COL6A3: variants seen among roughly 807,000 people sequenced by gnomAD.
COL6A3 encodes collagen type VI alpha 3 chain.
COL6A3 carries 137 observed loss-of-function variants against 274.1 expected under a neutral mutation model. The ratio of observed to expected loss-of-function variants is 0.50; its 90% confidence interval spans 0.44 to 0.58. The LOEUF is 0.58. Ranked by LOEUF, COL6A3 falls within the 20% of genes least tolerant of loss-of-function variation. The probability of loss-of-function intolerance (pLI) is 0.00; values close to 1 mark genes in which losing one functional copy is unlikely to be tolerated. For missense variants in COL6A3, 3,950 were observed against 4,124.9 expected, an observed-to-expected ratio of 0.96 and a Z score of 1.16; for synonymous variants, 1,650 against 1,650.6, an observed-to-expected ratio of 1.00 and a Z score of 0.01.
Position 237,370,381 on chromosome 2 carries a change from GGT to G in COL6A3, c.4286-1206_4286-1205del, listed in dbSNP as rs537402602. On this transcript the variant is annotated intron_variant, in intron 9 of 43. Transcript: ENST00000295550. ...AGCCTCCCGAGTAGCTGGGACTACA[GGT>G]GTGTGCCACCACACCCAGCTAATTT... is the stretch of plus-strand genomic sequence containing the variant. 1.9e-3 allele frequency among the ~76,000 whole-genome samples: 284 copies of G among 151,950 alleles called. 1 individual carries two copies. Among genetic ancestry groups the G allele is most frequent in the South Asian group, 5.0e-3 (24 of 4,802 alleles).
Position 237,361,722 on chromosome 2 carries a change from G to C in COL6A3, c.6156+17C>G, listed in dbSNP as rs1332836576. On this transcript the variant is annotated intron_variant, in intron 15 of 43. Transcript: ENST00000295550. The surrounding 1 kb of genome is among the most constrained non-coding windows in gnomAD (Gnocchi z 5.1). ...GACACCTCATCTCAGGCGTGGGCAAGGGTAAAGCCACCGTACCTTTGGCCC... is the reference window on the plus strand; with the variant it reads ...GACACCTCATCTCAGGCGTGGGCAACGGTAAAGCCACCGTACCTTTGGCCC... 2 of 1,612,244 alleles carry C rather than the reference G, an allele frequency of 1.2e-6. No homozygotes were observed. The highest frequency in any genetic ancestry group is 2.7e-5 in the African/African-American group (2 of 75,030).
Position 237,367,097 on chromosome 2 carries a change from G to C in COL6A3, c.5090C>G (p.Ser1697Cys). 2 of 1,614,216 alleles carry C rather than the reference G, an allele frequency of 1.2e-6. No individual in the cohort carries two copies. Among genetic ancestry groups the C allele is most frequent in the Non-Finnish European group, 1.7e-6 (2 of 1,180,036 alleles). ...PTDEFFLKDFSTKRQIIDAIN... is the reference protein window; with the variant it reads ...PTDEFFLKDFCTKRQIIDAIN... ...GGCGTCAATAATCTGCCTCTTGGTA[G>C]AGAAGTCCTTCAGGAAGAATTCGTC... Residue 1697 changes from serine (S) to cysteine (C), a missense_variant, in exon 11 of 44, where the codon TCT (serine) becomes TGT (cysteine). Transcript: ENST00000295550.
intron 1 of COL6A3, among the ~76,000 whole-genome samples, chr2:237,403,700 G>T (rs1173379743): frequency 6.6e-6 from 1 of 152,038 alleles, no homozygotes; most frequent in Non-Finnish European, 1.5e-5. Context: ...AGTCTCCAGT[G>T]CTTGTGCTGT....
At position 237,381,241 on chromosome 2, in the gene COL6A3, T is replaced by C. The variant is rs147546808; in HGVS notation, c.1571A>G (p.Tyr524Cys). 2.5e-5 allele frequency: 41 copies of C among 1,614,152 alleles called. No homozygotes were observed. Among genetic ancestry groups the C allele is most frequent in the African/African-American group, 9.3e-5 (7 of 74,952 alleles). Residue 524 changes from tyrosine to cysteine, a missense_variant, in exon 5 of 44, where the codon TAC becomes TGC. Tyr to Cys is a radical substitution (Grantham distance 194). Coordinates refer to ENST00000295550, the MANE Select transcript of COL6A3 (RefSeq NM_004369.4). Reference sequence around the variant, plus strand: ...AACAAAGTCTAGAGCAGAGCCCGTGTACAGGGCCGAGCCGTCCAGGGGCTT... The same window carrying C: ...AACAAAGTCTAGAGCAGAGCCCGTGCACAGGGCCGAGCCGTCCAGGGGCTT... ...KMKPLDGSALYTGSALDFVRN... is the reference protein window; with the variant it reads ...KMKPLDGSALCTGSALDFVRN...
chr2:237,354,973 A>T (rs1358237365), intron 23 of COL6A3, 39 bp from the exon 24 acceptor site: 2 of 1,602,360 alleles, frequency 1.2e-6, no homozygotes, highest in Admixed American at 3.3e-5. Flanking sequence ...GAGGGGGAGC[A>T]TGGGACGCTG....
In COL6A3 at chr2:237,371,902, T is replaced by C; in HGVS notation, c.4115A>G (p.Asn1372Ser). ...CTTCACCAGCTCCTCCTGGTCTGCGTTCCTGGCGATCGTGAAAGGGGCCAC... is the reference window on the plus strand; with the variant it reads ...CTTCACCAGCTCCTCCTGGTCTGCGCTCCTGGCGATCGTGAAAGGGGCCAC... Reference protein sequence around the residue: ...FGVAPFTIARNADQEELVKIS... With the variant: ...FGVAPFTIARSADQEELVKIS... The change falls in exon 9 of 44, where the codon AAC (asparagine) becomes AGC (serine). Residue 1372 changes from asparagine (N) to serine (S), a missense_variant. Transcript: ENST00000295550. This position sits in a 1 kb window ranked among gnomAD's most constrained non-coding sequence, Gnocchi z 4.3. 6.2e-7 allele frequency: 1 copy of C among 1,613,632 alleles called. No homozygotes were observed. The highest frequency in any genetic ancestry group is 1.7e-4 in the Middle Eastern group (1 of 6,060).
intron 20 of COL6A3, among the ~76,000 whole-genome samples, 200 bp downstream of exon 20, chr2:237,358,835 G>A (rs1325961620): frequency 6.6e-6 from 1 of 152,180 alleles, no homozygotes; most frequent in African/African-American, 2.4e-5. Flanking sequence ...CCTGCCCTAT[G>A]GGATGTGATC....
intron 1 of COL6A3, among the ~76,000 whole-genome samples, chr2:237,404,102 T>A (rs2078664167): frequency 6.6e-6 from 1 of 151,518 alleles, no homozygotes; most frequent in South Asian, 2.1e-4. Flanking sequence ...TGAGCGTCAA[T>A]TTTTTTTTAG....
At position 237,413,350 on chromosome 2, in the gene COL6A3, C is replaced by T. The variant is rs1258601572; in HGVS notation, c.-31+603G>A. On this transcript the variant is annotated intron_variant, in intron 1 of 43. Coordinates refer to ENST00000295550, the MANE Select transcript of COL6A3 (RefSeq NM_004369.4). The surrounding 1 kb of genome is among the most constrained non-coding windows in gnomAD (Gnocchi z 4.0). The stretch of plus-strand genomic sequence containing the variant: ...TAGAGACTTCAGGTTCCTGGAAAGA[C>T]GAAAGCTTGACGGCAATGACTGAGC... Among the ~76,000 whole-genome samples the T allele has an allele frequency of 1.3e-5, 2 of 152,234 alleles. No individual in the cohort carries two copies. The highest frequency in any genetic ancestry group is 2.1e-4 in the South Asian group (1 of 4,832).
intron 11 of COL6A3, 30 bp downstream of exon 11, chr2:237,366,657 G>C (rs75509063): frequency 1.7e-4 from 274 of 1,614,182 alleles, no homozygotes; most frequent in Non-Finnish European, 2.3e-4. Context: ...AACAGGAAAG[G>C]ATGGAAAATA....
At chr2:237,325,422 TCTTC>T in intron 43 of COL6A3, 134 bp downstream of exon 43, 1 of 998,726 alleles carries the variant, frequency 1.0e-6, no homozygotes, top group Non-Finnish European at 1.5e-6. Context: ...TATTTGAACG[TCTTC>T]CTTATCTGAG....
chr2:237,403,595 G>A (rs919739632), intron 1 of COL6A3, among the ~76,000 whole-genome samples: 4 of 152,178 alleles, frequency 2.6e-5, no homozygotes, highest in African/African-American at 9.6e-5. Context: ...AGTGGTGATA[G>A]CGGCAGTATT....
rs2077869278 is a variant in COL6A3 at position 237,377,160 on chromosome 2, C to T, written c.2682G>A (p.Gln894=). Residue 894 remains glutamine (Q), a synonymous_variant, in exon 7 of 44, where the codon CAG becomes CAA. Coordinates refer to ENST00000295550, the MANE Select transcript of COL6A3 (RefSeq NM_004369.4). ...CAAGATTCAGGATCTCAGGCTTACT[C>T]TGGTGCTCATCAAAACGGGACTCCA... ...VKVESRFDEH[Q]SKPEILNLVK... 1 of 1,614,106 alleles carries T rather than the reference C, an allele frequency of 6.2e-7. No homozygotes were observed. The highest frequency in any genetic ancestry group is 1.1e-5 in the South Asian group (1 of 91,082).
chr2:237,397,917 G>T lies in COL6A3; in HGVS notation c.-30-1070C>A, dbSNP rs979232567. Among the ~76,000 whole-genome samples, 23 of 152,308 alleles carry T rather than the reference G, an allele frequency of 1.5e-4. 1 individual carries two copies. Among genetic ancestry groups the T allele is most frequent in the Admixed American group, 5.9e-4 (9 of 15,306 alleles). On this transcript the variant is annotated intron_variant, in intron 1 of 43. Transcript: ENST00000295550. ...CCTAAGTGATGTACGCAGCAATTTG[G>T]AAATAGCATATTCCTAAGCAAAGAG...
rs1345214202 is a variant in COL6A3, at chr2:237,341,542, CT to C, written c.7766-393del. Among the ~76,000 whole-genome samples the C allele has an allele frequency of 1.3e-4, 7 of 53,772 alleles. No individual in the cohort carries two copies. In the Admixed American group the frequency reaches 1.4e-3, roughly 10 times the overall value. 35.3% of individuals were successfully genotyped at this position (53,772 alleles called of 152,430 possible). A position where few individuals can be genotyped will look rare whatever the true frequency, so the allele number is the denominator to read the frequency against. On this transcript the variant is annotated intron_variant, in intron 37 of 43. Transcript: ENST00000295550. ...CTGGGCAACAAGAGCAAGACTCTGT[CT>C]AAAAAAAAAAAAAAAAAAAAAAAAA... is the stretch of plus-strand genomic sequence containing the variant.
chr2:237,348,321 G>A (rs1382539416), intron 30 of COL6A3, 28 bp downstream of exon 30: 2 of 1,594,170 alleles, frequency 1.3e-6, no homozygotes, highest in Admixed American at 3.3e-5. Context: ...AAATCATGAT[G>A]ATGCTTCACC....
Position 237,369,071 on chromosome 2 carries a change from T to G in COL6A3, c.4392A>C (p.Arg1464=). 1 of 1,614,232 alleles carries G rather than the reference T, an allele frequency of 6.2e-7. No individual in the cohort carries two copies. Among genetic ancestry groups the G allele is most frequent in the Non-Finnish European group, 8.5e-7 (1 of 1,180,044 alleles). Residue 1464 remains arginine (R), a synonymous_variant, in exon 10 of 44, where the codon CGA becomes CGC. Transcript: ENST00000295550. ...HIRDFVSRIV[R]RLNIGPSKVR... ...CTTTACTGGGGCCGATGTTGAGTCTTCGAACAATCCTGCTAACAAAATCTC... is the reference window on the plus strand; with the variant it reads ...CTTTACTGGGGCCGATGTTGAGTCTGCGAACAATCCTGCTAACAAAATCTC...
intron 1 of COL6A3, among the ~76,000 whole-genome samples, chr2:237,408,867 G>C (rs1394182345): frequency 1.3e-5 from 2 of 152,060 alleles, no homozygotes; most frequent in African/African-American, 4.8e-5. Context: ...TTTCGTATTT[G>C]TTTTTTTCTT....
rs114419061 is a variant in COL6A3 at position 237,411,837 on chromosome 2, T to C, written c.-31+2116A>G. 9.1e-3 allele frequency among the ~76,000 whole-genome samples: 1,387 copies of C among 152,270 alleles called. 14 individuals carry two copies. The highest frequency in any genetic ancestry group is 0.032 in the African/African-American group (1,332 of 41,552). Reference sequence around the variant, plus strand: ...TCCCCTCACCTGTGGGCCACAACTATAGTGGGGTGGAACACGCTCCCTGCC... The same window carrying C: ...TCCCCTCACCTGTGGGCCACAACTACAGTGGGGTGGAACACGCTCCCTGCC... On this transcript the variant is annotated intron_variant, in intron 1 of 43. Transcript: ENST00000295550.
Sources: allele counts gnomAD v4.1 joint callset (sites outside exome capture counted in the v4.1 genomes callset), GRCh38; gene constraint gnomAD v4.1.1; non-coding constraint Gnocchi (gnomAD v3.1); transcripts MANE v1.5; gene names NCBI Gene and HGNC (gene_info 2026-07-23, HGNC 2026-07-21).